Variants in ZNF454 observed in about 807,000 individuals in gnomAD.
The protein encoded by ZNF454 is zinc finger protein 454.
In ZNF454, 30 loss-of-function variants were observed where a neutral mutation model predicts 48.2. The observed-to-expected ratio is 0.62, with a 90% CI of 0.47 to 0.84. The LOEUF is 0.84. Among genes scored for constraint, ZNF454 ranks in the 40% least tolerant of loss-of-function variants. The probability of loss-of-function intolerance (pLI) is 0.00; values close to 1 mark genes in which losing one functional copy is unlikely to be tolerated. For missense variants in ZNF454, 510 were observed against 623.1 expected, an observed-to-expected ratio of 0.82 and a Z score of 1.93; for synonymous variants, 204 against 211.4, an observed-to-expected ratio of 0.97 and a Z score of 0.30.
At chr5:178,943,379 G>A (rs918116760) in intron 2 of ZNF454, among the ~76,000 whole-genome samples, 7 of 152,124 alleles carry the variant, frequency 4.6e-5, no homozygotes, top group African/African-American at 9.7e-5. Context: ...TGGATCTCAC[G>A]TGAACCAACT....
At chr5:178,961,539 G>C (rs1304538457) in intron 4 of ZNF454, among the ~76,000 whole-genome samples, 2 of 151,472 alleles carry the variant, frequency 1.3e-5, no homozygotes, top group African/African-American at 4.8e-5. Context: ...TTTTTGGCCA[G>C]GTGTGGTGGC....
At chr5:178,983,356 G>A in the ZNF454 span, 8 of 806,680 alleles carry the variant, frequency 9.9e-6, no homozygotes, top group Non-Finnish European at 1.7e-5. Context: ...TCTTCGTGGT[G>A]GCTCTCAGGA....
intron 2 of ZNF454, among the ~76,000 whole-genome samples, chr5:178,943,958 C>T (rs1308440753): frequency 2.0e-5 from 3 of 152,148 alleles, no homozygotes; most frequent in Non-Finnish European, 4.4e-5. Flanking sequence ...ACCCAGGAGG[C>T]GGAGCTTGCA....
At chr5:178,968,290 G>A (rs757268512), downstream of ZNF454, among the ~76,000 whole-genome samples, 3 of 152,118 alleles carry the variant, frequency 2.0e-5, no homozygotes, top group South Asian at 2.1e-4. Context: ...TGGAAGTGCT[G>A]TCCGTCAAGT....
At chr5:178,981,481 C>T in the ZNF454 span, 31 of 595,552 alleles carry the variant, frequency 5.2e-5, no homozygotes, top group Middle Eastern at 4.4e-4. This position sits in a 1 kb window ranked among gnomAD's most constrained non-coding sequence, Gnocchi z 5.1. Flanking sequence ...ATGCTGGAAT[C>T]GGGGTAGAGC....
chr5:178,977,567 G>C, the ZNF454 span: 1 of 202,016 alleles, frequency 5.0e-6, no homozygotes, highest in Non-Finnish European at 1.1e-5. Flanking sequence ...TTCAAATTCA[G>C]TCTTCTTTTT....
In ZNF454 at chr5:178,966,421, AAGACTC is replaced by A. The variant is rs1451315615; in HGVS notation, c.*451_*456del. 2.0e-5 allele frequency: 3 copies of A among 149,138 alleles called. No homozygotes were observed. Among genetic ancestry groups the A allele is most frequent in the African/African-American group, 7.5e-5 (3 of 40,218 alleles). 9.2% of individuals were successfully genotyped at this position (149,138 alleles called of 1,614,324 possible). Reference sequence around the variant, plus strand: ...TGCACTCCAGCCTGGGCGACAGAGCAAGACTCAGTCTCAAAAAAAAAAAAAAAAAAA... The same window carrying A: ...TGCACTCCAGCCTGGGCGACAGAGCAAGTCTCAAAAAAAAAAAAAAAAAAA... On this transcript the variant is annotated 3_prime_UTR_variant, in exon 5 of 5. Coordinates refer to ENST00000519564, the MANE Select transcript of ZNF454 (RefSeq NM_001178089.3).
the ZNF454 span, chr5:178,983,042 G>T: frequency 7.4e-6 from 12 of 1,613,974 alleles, no homozygotes; most frequent in Non-Finnish European, 9.3e-6. Context: ...CCTTGATGGC[G>T]TACACTGTGC....
the ZNF454 span, chr5:178,975,607 G>A: frequency 5.9e-6 from 2 of 337,926 alleles, no homozygotes; most frequent in Non-Finnish European, 1.2e-5. Context: ...AAACCCTCCA[G>A]TGTCTCCTCT....
At chr5:178,988,654 G>A in the ZNF454 span, among the ~76,000 whole-genome samples, 1 of 152,186 alleles carries the variant, frequency 6.6e-6, no homozygotes, top group Non-Finnish European at 1.5e-5. The surrounding 1 kb of genome is among the most constrained non-coding windows in gnomAD (Gnocchi z 6.0). Context: ...AGGGGAGTGT[G>A]GTGTGACCCA....
the ZNF454 span, chr5:178,983,394 G>A: frequency 2.8e-6 from 2 of 720,456 alleles, no homozygotes; most frequent in Non-Finnish European, 5.0e-6. Context: ...GGGGATGGCA[G>A]CCCAGGCAGG....
the ZNF454 span, chr5:178,986,882 C>T: frequency 4.0e-5 from 65 of 1,614,148 alleles, no homozygotes; most frequent in Non-Finnish European, 5.0e-5. Context: ...GCCTGGTACC[C>T]GCCACTGCTG....
In ZNF454 at chr5:178,946,186, G is replaced by A. The variant is rs981724112; in HGVS notation, c.34-173G>A. On this transcript the variant is annotated intron_variant, in intron 2 of 4. Coordinates refer to ENST00000519564, the MANE Select transcript of ZNF454 (RefSeq NM_001178089.3). The surrounding 1 kb of genome is among the most constrained non-coding windows in gnomAD (Gnocchi z 4.5). ...GCGTGGAGAGCAATGTCTAGTCCAA[G>A]GCTAGGCCCCTAGGAGACCCTGAAG... Among the ~76,000 whole-genome samples the A allele has an allele frequency of 3.3e-5, 5 of 152,132 alleles. No individual in the cohort carries two copies. The highest frequency in any genetic ancestry group is 4.8e-5 in the African/African-American group (2 of 41,430).
the ZNF454 span, chr5:178,989,122 G>T: frequency 1.2e-6 from 2 of 1,613,938 alleles, no homozygotes; most frequent in Admixed American, 3.3e-5. Flanking sequence ...AGTCCCGGCC[G>T]ATGCGTTCCT....
downstream of ZNF454, chr5:178,969,389 C>T: frequency 2.2e-6 from 1 of 447,960 alleles, no homozygotes; most frequent in Non-Finnish European, 4.5e-6. Context: ...CTGTGCCCCA[C>T]CTTCAGCTGG....
chr5:178,977,130 G>A, the ZNF454 span, among the ~76,000 whole-genome samples: 4 of 152,008 alleles, frequency 2.6e-5, no homozygotes, highest in African/African-American at 4.8e-5. Context: ...TGAATAAGAG[G>A]GAAAAGATAC....
chr5:178,950,484 C>G (rs547710012), intron 4 of ZNF454, among the ~76,000 whole-genome samples: 1 of 152,290 alleles, frequency 6.6e-6, no homozygotes, highest in African/African-American at 2.4e-5. Flanking sequence ...GCAGGAGACT[C>G]GCCCGACCCT....
At position 178,966,326 on chromosome 5, in the gene ZNF454, C is replaced by T. The variant is rs141600844; in HGVS notation, c.*353C>T. On this transcript the variant is annotated 3_prime_UTR_variant, in exon 5 of 5. Transcript: ENST00000519564. ...GTGGGCGCCTGTAGTCCCAGCTACTCGGGAGGCTGAGGCAGGAGAATGGCA... is the reference window on the plus strand; with the variant it reads ...GTGGGCGCCTGTAGTCCCAGCTACTTGGGAGGCTGAGGCAGGAGAATGGCA... 7,169 of 158,940 alleles carry T rather than the reference C, an allele frequency of 0.045. 359 individuals carry two copies. Among genetic ancestry groups the T allele is most frequent in the East Asian group, 0.24 (1,302 of 5,460 alleles). 9.8% of individuals were successfully genotyped at this position (158,940 alleles called of 1,614,324 possible). A position where few individuals can be genotyped will look rare whatever the true frequency, so the allele number is the denominator to read the frequency against.
the ZNF454 span, chr5:178,981,732 C>G: frequency 6.2e-7 from 1 of 1,614,120 alleles, no homozygotes; most frequent in Non-Finnish European, 8.5e-7. The surrounding 1 kb of genome is among the most constrained non-coding windows in gnomAD (Gnocchi z 5.1). Context: ...TCCGCTTTCG[C>G]TTCTGCACAT....
Sources: gnomAD v4.1 joint callset for allele counts (sites outside exome capture counted in the v4.1 genomes callset) on GRCh38, gnomAD v4.1.1 for gene constraint, Gnocchi (gnomAD v3.1) non-coding constraint, MANE v1.5 for transcripts, NCBI Gene and HGNC (gene_info 2026-07-23, HGNC 2026-07-21) for gene names.